ADAM10: variants seen among roughly 807,000 people sequenced by gnomAD.
The protein encoded by ADAM10 is disintegrin and metalloproteinase domain-containing protein 10.
A neutral mutation model predicts 90.1 loss-of-function variants in ADAM10; 17 were observed. The ratio of observed to expected loss-of-function variants is 0.19; its 90% CI spans 0.13 to 0.28. The LOEUF is 0.28. Ranked by LOEUF, ADAM10 falls within the 10% of genes least tolerant of loss-of-function variation. The probability of loss-of-function intolerance (pLI) is 1.00; values close to 1 mark genes in which losing one functional copy is unlikely to be tolerated. For missense variants in ADAM10, 610 were observed against 914.3 expected (o/e 0.67, Z 4.29); for synonymous variants, 310 against 298.6 (o/e 1.04, Z -0.40).
chr15:58,684,590 C>T (rs148847152), intron 2 of ADAM10, among the ~76,000 whole-genome samples: 3 of 152,324 alleles, frequency 2.0e-5, no homozygotes, highest in East Asian at 1.9e-4. Flanking sequence ...ACCCAGAGAG[C>T]GCACAGAAAC....
At chr15:58,619,969 CT>C (rs1555411722) in intron 11 of ADAM10, among the ~76,000 whole-genome samples, 63 of 147,962 alleles carry the variant, frequency 4.3e-4, no homozygotes, top group Non-Finnish European at 2.1e-4. Flanking sequence ...AAGTGTGCGA[CT>C]TTTTTTTTTA....
intron 11 of ADAM10, 40 bp downstream of exon 11, chr15:58,621,431 C>G: frequency 6.2e-7 from 1 of 1,612,918 alleles, no homozygotes; most frequent in Non-Finnish European, 8.5e-7. Flanking sequence ...ATTGAGGTAA[C>G]TTTACAAGAA....
intron 8 of ADAM10, among the ~76,000 whole-genome samples, 177 bp from the exon 9 acceptor site, chr15:58,633,536 T>A (rs532201906): frequency 6.6e-6 from 1 of 152,334 alleles, no homozygotes; most frequent in South Asian, 2.1e-4. Context: ...TCACTTCATA[T>A]AAAAGTTTTA....
intron 10 of ADAM10, among the ~76,000 whole-genome samples, chr15:58,622,417 T>C (rs148263211): frequency 1.4e-4 from 21 of 152,310 alleles, no homozygotes; most frequent in African/African-American, 4.8e-4. Flanking sequence ...ACAGGTCTCT[T>C]ATGTTCTTTT....
intron 2 of ADAM10, among the ~76,000 whole-genome samples, chr15:58,686,986 G>A (rs1596067794): frequency 6.6e-6 from 1 of 152,288 alleles, no homozygotes; most frequent in African/African-American, 2.4e-5. Context: ...TTTTAGGAAG[G>A]AAAATAGTTT....
chr15:58,692,937 G>A (rs747958873), intron 2 of ADAM10: 1 of 715,618 alleles, frequency 1.4e-6, no homozygotes, highest in Non-Finnish European at 2.6e-6. Context: ...TGCCTGTGTT[G>A]ACCAAAGTCA....
intron 3 of ADAM10, among the ~76,000 whole-genome samples, 186 bp downstream of exon 3, chr15:58,682,010 T>C (rs1668922350): frequency 6.6e-6 from 1 of 152,166 alleles, no homozygotes; most frequent in Admixed American, 6.5e-5. Flanking sequence ...TAATTCACTA[T>C]TAAACATACA....
intron 8 of ADAM10, among the ~76,000 whole-genome samples, chr15:58,636,590 G>A (rs549227554): frequency 2.7e-4 from 41 of 152,018 alleles, no homozygotes; most frequent in Middle Eastern, 6.8e-3. Flanking sequence ...TTTTCAATTC[G>A]GGTCAAAAGT....
intron 1 of ADAM10, among the ~76,000 whole-genome samples, chr15:58,729,943 C>G (rs190497839): frequency 7.1e-6 from 1 of 141,270 alleles, no homozygotes; most frequent in African/African-American, 2.6e-5. Flanking sequence ...GCGTAAGCAA[C>G]AGAACGAGGC....
intron 5 of ADAM10, among the ~76,000 whole-genome samples, chr15:58,657,583 C>T (rs1007163282): frequency 6.6e-6 from 1 of 152,108 alleles, no homozygotes; most frequent in Non-Finnish European, 1.5e-5. Flanking sequence ...GATAGTATTC[C>T]GAATTCCTTC....
intron 5 of ADAM10, among the ~76,000 whole-genome samples, chr15:58,648,361 A>G (rs1379748422): frequency 2.6e-5 from 4 of 152,146 alleles, no homozygotes; most frequent in African/African-American, 7.2e-5. Flanking sequence ...TGACTCAAAC[A>G]TTGAGAAGTA....
At position 58,593,209 on chromosome 15, in the gene ADAM10, T is replaced by A. The variant is rs2140980734; in HGVS notation, c.*4338A>T. On this transcript the variant is annotated 3_prime_UTR_variant, in exon 16 of 16. Coordinates refer to ENST00000260408, the MANE Select transcript of ADAM10 (RefSeq NM_001110.4). Reference sequence around the variant, plus strand: ...TTTTTTTTTTTTTTGAGACAGAGTCTCGCTCTGTCACCCAGGCTGGAGTGC... The same window carrying A: ...TTTTTTTTTTTTTTGAGACAGAGTCACGCTCTGTCACCCAGGCTGGAGTGC... 8.5e-6 allele frequency: 1 copy of A among 117,604 alleles called. No homozygotes were observed. The highest frequency in any genetic ancestry group is 2.8e-4 in the East Asian group (1 of 3,554). 7.3% of individuals were successfully genotyped at this position (117,604 alleles called of 1,614,324 possible). A position where few individuals can be genotyped will look rare whatever the true frequency, so the allele number is the denominator to read the frequency against.
chr15:58,711,481 G>A (rs1392698600), intron 2 of ADAM10, among the ~76,000 whole-genome samples: 1 of 152,184 alleles, frequency 6.6e-6, no homozygotes, highest in Non-Finnish European at 1.5e-5. Flanking sequence ...CAGAAGGAAA[G>A]TCAATTAGTC....
At chr15:58,670,363 T>C (rs1255072539) in intron 4 of ADAM10, among the ~76,000 whole-genome samples, 1 of 152,102 alleles carries the variant, frequency 6.6e-6, no homozygotes, top group African/African-American at 2.4e-5. Context: ...AAAATGCAAA[T>C]GTCTGACAAT....
chr15:58,675,537 G>C (rs2048936434), intron 4 of ADAM10, among the ~76,000 whole-genome samples: 1 of 152,210 alleles, frequency 6.6e-6, no homozygotes, highest in Non-Finnish European at 1.5e-5. Flanking sequence ...CTAAGGGGCA[G>C]AGGACTAAGT....
intron 1 of ADAM10, among the ~76,000 whole-genome samples, chr15:58,738,891 T>C (rs1229712484): frequency 6.6e-6 from 1 of 152,172 alleles, no homozygotes; most frequent in Non-Finnish European, 1.5e-5. Flanking sequence ...CAGACAGTAA[T>C]AGAGTATGAC....
chr15:58,680,382 T>TA (rs1319608366), intron 3 of ADAM10, among the ~76,000 whole-genome samples: 1 of 152,116 alleles, frequency 6.6e-6, no homozygotes, highest in Admixed American at 6.5e-5. Context: ...CTCGGCCTCC[T>TA]AAAGTGCTGG....
chr15:58,602,886 C>A (rs1895153445), intron 14 of ADAM10, among the ~76,000 whole-genome samples: 1 of 152,172 alleles, frequency 6.6e-6, no homozygotes, highest in Non-Finnish European at 1.5e-5. Flanking sequence ...GAATGCAATT[C>A]AACCTTACTG....
At chr15:58,685,335 C>T (rs1478192114) in intron 2 of ADAM10, among the ~76,000 whole-genome samples, 1 of 150,906 alleles carries the variant, frequency 6.6e-6, no homozygotes, top group African/African-American at 2.4e-5. Context: ...GTGACGGGTG[C>T]CTGTAGTCCC....
Sources: allele counts gnomAD v4.1 joint callset (sites outside exome capture counted in the v4.1 genomes callset), GRCh38; gene constraint gnomAD v4.1.1; transcripts MANE v1.5; gene names NCBI Gene and HGNC (gene_info 2026-07-23, HGNC 2026-07-21).